Variants in CLEC16A observed in about 807,000 individuals in gnomAD.
CLEC16A encodes the protein C-type lectin domain containing 16A, also known as protein CLEC16A.
CLEC16A carries 51 observed loss-of-function variants against 109.5 expected under a neutral mutation model. The ratio of observed to expected loss-of-function variants is 0.47; its 90% confidence interval spans 0.37 to 0.59. CLEC16A has a LOEUF of 0.59. CLEC16A is among the 20% of genes least tolerant of loss of function. The probability of loss-of-function intolerance (pLI) is 0.00; values close to 1 mark genes in which losing one functional copy is unlikely to be tolerated. For synonymous variants in CLEC16A, 673 were observed against 564.2 expected (o/e 1.19, Z -2.73); for missense variants, 1,339 against 1,394.0 (o/e 0.96, Z 0.63).
At chr16:11,139,480 G>A (rs1273639125) in intron 22 of CLEC16A, among the ~76,000 whole-genome samples, 1 of 152,016 alleles carries the variant, frequency 6.6e-6, no homozygotes, top group Non-Finnish European at 1.5e-5. Context: ...ATTCCCAAAG[G>A]GCCAAAAGTC....
chr16:11,113,150 C>T (rs2051716743), intron 19 of CLEC16A, among the ~76,000 whole-genome samples: 1 of 152,234 alleles, frequency 6.6e-6, no homozygotes, highest in Non-Finnish European at 1.5e-5. Flanking sequence ...TCAGAGAGCT[C>T]TTGGCTTCAC....
chr16:11,105,576 G>A (rs1362308965), intron 19 of CLEC16A, among the ~76,000 whole-genome samples: 2 of 152,164 alleles, frequency 1.3e-5, no homozygotes, highest in African/African-American at 2.4e-5. Context: ...ACTAGACATG[G>A]CATGTGCCTT....
At chr16:11,092,357 AACAAAC>A (rs1157250711) in intron 19 of CLEC16A, among the ~76,000 whole-genome samples, 3 of 66,614 alleles carry the variant, frequency 4.5e-5, no homozygotes, top group African/African-American at 1.7e-4. Context: ...AACAAACAAA[AACAAAC>A]ACACACACAC....
At chr16:11,109,337 A>G (rs2152998456) in intron 19 of CLEC16A, among the ~76,000 whole-genome samples, 1 of 152,072 alleles carries the variant, frequency 6.6e-6, no homozygotes, top group East Asian at 2.0e-4. Flanking sequence ...TATTATTTGT[A>G]AAGACGAGGT....
At chr16:11,155,712 G>A (rs1320446900) in intron 22 of CLEC16A, among the ~76,000 whole-genome samples, 22 of 152,200 alleles carry the variant, frequency 1.4e-4, no homozygotes. Flanking sequence ...CCATCGGTCT[G>A]GCCTAGCCCC....
chr16:11,150,357 A>G (rs545029614), intron 22 of CLEC16A: 2 of 152,378 alleles, frequency 1.3e-5, no homozygotes, highest in Admixed American at 6.5e-5. Flanking sequence ...ACTGTAAATC[A>G]GGAATCTGTG....
At position 11,089,358 on chromosome 16, in the gene CLEC16A, G is replaced by A. The variant is rs114142386; in HGVS notation, c.2116+28336G>A. On this transcript the variant is annotated intron_variant, in intron 19 of 23. Transcript: ENST00000409790. ...ATTGCATTAAATGGAAGCACCCGAG[G>A]GACCATCCCTTGTGCATCACCCTTG... Among the ~76,000 whole-genome samples the A allele has an allele frequency of 7.1e-3, 1,074 of 152,188 alleles. 9 individuals are homozygous for A. The highest frequency in any genetic ancestry group is 0.025 in the African/African-American group (1,020 of 41,492).
intron 12 of CLEC16A, 118 bp downstream of exon 12, chr16:11,020,443 C>T: frequency 1.6e-6 from 2 of 1,256,970 alleles, no homozygotes; most frequent in South Asian, 1.7e-5. Flanking sequence ...CATGCTGCCT[C>T]CCTTTCTTTC....
chr16:11,065,806 G>C (rs1432587237), intron 19 of CLEC16A, among the ~76,000 whole-genome samples: 1 of 152,252 alleles, frequency 6.6e-6, no homozygotes, highest in Non-Finnish European at 1.5e-5. Flanking sequence ...GTGAGGCTGA[G>C]GTGGGAGAGA....
rs1325337528 is a variant in CLEC16A, at chr16:11,157,044, A to G, written c.2642-9344A>G. On this transcript the variant is annotated intron_variant, in intron 22 of 23. Coordinates refer to ENST00000409790, the MANE Select transcript of CLEC16A (RefSeq NM_015226.3). ...ACAATTAGGACACAGAGAGAAAGCAAGATACTGAAAGACCATTTTTTCTTT... is the reference window on the plus strand; with the variant it reads ...ACAATTAGGACACAGAGAGAAAGCAGGATACTGAAAGACCATTTTTTCTTT... 6 of 1,299,812 alleles carry G rather than the reference A, an allele frequency of 4.6e-6. No individual in the cohort carries two copies. The Admixed American group carries it at 7.0e-5, about 15-fold the overall frequency. 80.5% of individuals were successfully genotyped at this position (1,299,812 alleles called of 1,614,324 possible).
At chr16:11,110,200 C>T (rs1200866063) in intron 19 of CLEC16A, among the ~76,000 whole-genome samples, 2 of 152,212 alleles carry the variant, frequency 1.3e-5, no homozygotes. Context: ...CCTTCCATCC[C>T]ATCCACAAAT....
intron 11 of CLEC16A, among the ~76,000 whole-genome samples, chr16:11,012,967 G>T (rs2045527441): frequency 6.6e-6 from 1 of 152,072 alleles, no homozygotes; most frequent in Non-Finnish European, 1.5e-5. Flanking sequence ...ACGCCAGGTG[G>T]GAGCCAACTC....
At chr16:11,107,007 G>C (rs371096434) in intron 19 of CLEC16A, among the ~76,000 whole-genome samples, 5 of 152,292 alleles carry the variant, frequency 3.3e-5, no homozygotes, top group African/African-American at 9.6e-5. Flanking sequence ...GAACACAAGA[G>C]TTTTCTTAAC....
rs546853623 is a variant in CLEC16A at position 11,125,800 on chromosome 16, G to T, written c.2474-179G>T. On this transcript the variant is annotated intron_variant, in intron 21 of 23. Coordinates refer to ENST00000409790, the MANE Select transcript of CLEC16A (RefSeq NM_015226.3). ...GCTTCCGCTTGTGCGTTGAGCCTCA[G>T]TGGGAACTTTGATGTTCCACTGGTC... Among the ~76,000 whole-genome samples the T allele has an allele frequency of 4.6e-5, 7 of 152,314 alleles. 1 individual carries two copies. In the South Asian group the frequency reaches 1.4e-3, roughly 32 times the overall value.
chr16:11,175,059 A>T (rs1010869649), intron 23 of CLEC16A, among the ~76,000 whole-genome samples: 1 of 152,174 alleles, frequency 6.6e-6, no homozygotes, highest in Non-Finnish European at 1.5e-5. Flanking sequence ...TTTGCCCTCC[A>T]CTTGCTCTAC....
At position 11,181,685 on chromosome 16, in the gene CLEC16A, T is replaced by A. The variant is rs200469696; in HGVS notation, c.*2995T>A. On this transcript the variant is annotated 3_prime_UTR_variant, in exon 24 of 24. Transcript: ENST00000409790. The stretch of plus-strand genomic sequence containing the variant: ...GTGGGATTGGGAGGAGGGGCCTCCG[T>A]GAGCAGCCCCTCCTCTGCCGCTGTC... The A allele has an allele frequency of 6.6e-6, 1 of 152,284 alleles. No homozygotes were observed. The highest frequency in any genetic ancestry group is 2.1e-4 in the South Asian group (1 of 4,834). The allele number at this position is 152,284 out of a possible 1,614,324, so 9.4% of individuals were successfully genotyped here. A position where few individuals can be genotyped will look rare whatever the true frequency, so the allele number is the denominator to read the frequency against.
At chr16:11,056,478 G>C (rs955080149) in intron 18 of CLEC16A, 5 of 152,206 alleles carry the variant, frequency 3.3e-5, no homozygotes, top group African/African-American at 1.2e-4. Context: ...AGAAAAGAGA[G>C]TTAGGAATAG....
intron 13 of CLEC16A, among the ~76,000 whole-genome samples, chr16:11,035,505 G>C (rs1228352528): frequency 6.6e-6 from 1 of 151,896 alleles, no homozygotes; most frequent in Non-Finnish European, 1.5e-5. Flanking sequence ...ACACGGCAGA[G>C]AGGAGGGAGG....
intron 13 of CLEC16A, among the ~76,000 whole-genome samples, chr16:11,030,719 G>A (rs773599075): frequency 5.3e-5 from 8 of 152,102 alleles, no homozygotes; most frequent in African/African-American, 1.9e-4. Flanking sequence ...ATCTTGGCTC[G>A]CTGCAACCTC....
Sources: allele counts gnomAD v4.1 joint callset (sites outside exome capture counted in the v4.1 genomes callset), GRCh38; gene constraint gnomAD v4.1.1; transcripts MANE v1.5; gene names NCBI Gene and HGNC (gene_info 2026-07-23, HGNC 2026-07-21).